Variants in KPNA5 observed in about 807,000 individuals in gnomAD.
The protein encoded by KPNA5 is karyopherin subunit alpha 5, also known as importin subunit alpha-6.
A neutral mutation model predicts 71.3 loss-of-function variants in KPNA5; 46 were observed. The ratio of observed to expected loss-of-function variants is 0.65; its 90% CI spans 0.51 to 0.83. The LOEUF is 0.83. Ranked by LOEUF, KPNA5 falls within the 40% of genes least tolerant of loss-of-function variation. The probability of loss-of-function intolerance (pLI) is 0.00; values close to 1 mark genes in which losing one functional copy is unlikely to be tolerated. For missense variants in KPNA5, 547 were observed against 628.3 expected (o/e 0.87, Z 1.38); for synonymous variants, 207 against 201.4 (o/e 1.03, Z -0.24).
At chr6:116,721,970 A>C (rs9489026) in intron 8 of KPNA5, among the ~76,000 whole-genome samples, 156 bp from the exon 9 acceptor site, 4,292 of 152,234 alleles carry the variant, frequency 0.028, 175 homozygotes, top group African/African-American at 0.085. Flanking sequence ...AATCAGCTTC[A>C]TATTCATACA....
chr6:116,718,297 C>T (rs1778973048), intron 8 of KPNA5, among the ~76,000 whole-genome samples: 1 of 145,418 alleles, frequency 6.9e-6, no homozygotes, highest in African/African-American at 2.6e-5. Context: ...GAGTCTCGCT[C>T]TGTCACCCAG....
intron 7 of KPNA5, among the ~76,000 whole-genome samples, chr6:116,710,891 ATATTTTTTTTTTTTTTT>A (rs1416832176): frequency 4.3e-5 from 3 of 70,116 alleles, no homozygotes; most frequent in African/African-American, 1.8e-4. Flanking sequence ...ATATATATAT[ATATTTTTTTTTTTTTTT>A]TTTTGAGTTG....
chr6:116,691,632 A>T (rs536063907), intron 2 of KPNA5, among the ~76,000 whole-genome samples: 1 of 152,324 alleles, frequency 6.6e-6, no homozygotes, highest in Non-Finnish European at 1.5e-5. Context: ...ATTCCTTGTT[A>T]ATCAGATATA....
At chr6:116,716,347 T>C (rs1263250752) in intron 8 of KPNA5, 29 bp downstream of exon 8, 7 of 1,448,946 alleles carry the variant, frequency 4.8e-6, no homozygotes, top group African/African-American at 1.4e-5. Context: ...AATTAAAATA[T>C]TTGTTTCCAT....
rs1420538732 is a variant in KPNA5 at position 116,732,248 on chromosome 6, A to G, written c.1545A>G (p.Val515=). The G allele has an allele frequency of 6.3e-7, 1 of 1,596,108 alleles. No individual in the cohort carries two copies. ...FGVEEDDPSI[V]PQVDENQQQF... ...TAGAAGAAGATGACCCCAGCATTGTACCTCAGGTGGATGAAAACCAACAAC... is the reference window on the plus strand; with the variant it reads ...TAGAAGAAGATGACCCCAGCATTGTGCCTCAGGTGGATGAAAACCAACAAC... The change falls in exon 14 of 14, where the codon GTA becomes GTG. Residue 515 remains valine, a synonymous_variant. Transcript: ENST00000368564.
chr6:116,711,093 C>G lies in KPNA5; in HGVS notation c.657-5126C>G, dbSNP rs374834073. ...CATTTTTGTAGAGACATGGTTTCAC[C>G]ATGTTGGCCAGGCTGGTCTTGAACT... On this transcript the variant is annotated intron_variant, in intron 7 of 13. Coordinates refer to ENST00000368564, the MANE Select transcript of KPNA5 (RefSeq NM_001366306.2). Among the ~76,000 whole-genome samples, 5 of 151,284 alleles carry G rather than the reference C, an allele frequency of 3.3e-5. No homozygotes were observed. The East Asian group carries it at 9.7e-4, about 29-fold the overall frequency.
chr6:116,729,955 AATTGT>A (rs1361781871), intron 13 of KPNA5, among the ~76,000 whole-genome samples: 3 of 151,334 alleles, frequency 2.0e-5, no homozygotes, highest in Admixed American at 1.3e-4. Context: ...ACATTGACTT[AATTGT>A]ATTGTATGTA....
At chr6:116,692,201 T>C (rs1030289102) in intron 3 of KPNA5, 45 bp downstream of exon 3, 4 of 1,442,948 alleles carry the variant, frequency 2.8e-6, no homozygotes, top group East Asian at 4.6e-5. Flanking sequence ...TCAATAATTT[T>C]AGCAATAGTA....
intron 7 of KPNA5, among the ~76,000 whole-genome samples, chr6:116,707,824 G>C (rs948598874): frequency 3.3e-5 from 5 of 152,286 alleles, no homozygotes; most frequent in African/African-American, 1.2e-4. Context: ...GCAGTAAGTA[G>C]ATTTACAACA....
At chr6:116,681,578 C>T (rs1051943840) in intron 1 of KPNA5, 15 of 1,237,036 alleles carry the variant, frequency 1.2e-5, no homozygotes, top group Non-Finnish European at 1.4e-5. Context: ...TTCAGCAGGT[C>T]CTCTGGAGTG....
At chr6:116,727,754 A>C (rs1482707003) in intron 12 of KPNA5, among the ~76,000 whole-genome samples, 1 of 152,052 alleles carries the variant, frequency 6.6e-6, no homozygotes, top group Admixed American at 6.6e-5. Flanking sequence ...AATCATCATA[A>C]TTTTTATTAT....
intron 7 of KPNA5, among the ~76,000 whole-genome samples, chr6:116,708,269 G>A (rs751721181): frequency 3.3e-5 from 5 of 152,144 alleles, no homozygotes; most frequent in African/African-American, 4.8e-5. Flanking sequence ...ATGTAAATAC[G>A]TAGGAGTGGA....
intron 12 of KPNA5, among the ~76,000 whole-genome samples, chr6:116,726,944 T>C (rs999254790): frequency 1.3e-5 from 2 of 152,100 alleles, no homozygotes; most frequent in Admixed American, 1.3e-4. Context: ...AGCTTTATTA[T>C]ATAGAAATGG....
At chr6:116,711,075 G>A (rs1583428240) in intron 7 of KPNA5, among the ~76,000 whole-genome samples, 1 of 150,538 alleles carries the variant, frequency 6.6e-6, no homozygotes. Flanking sequence ...TTGCATTTTT[G>A]TAGAGACATG....
intron 4 of KPNA5, among the ~76,000 whole-genome samples, chr6:116,695,009 A>G (rs1777968441): frequency 6.6e-6 from 1 of 151,916 alleles, no homozygotes; most frequent in African/African-American, 2.4e-5. Context: ...GGAGTGCAAT[A>G]GCAGAATCAC....
intron 4 of KPNA5, among the ~76,000 whole-genome samples, chr6:116,696,268 A>G (rs3798399): frequency 0.049 from 7,440 of 152,186 alleles, 192 homozygotes; most frequent in African/African-American, 0.069. Flanking sequence ...TCTTTCACTG[A>G]TTGATGTGAG....
chr6:116,691,734 C>T (rs1777807670), intron 2 of KPNA5, among the ~76,000 whole-genome samples: 1 of 152,118 alleles, frequency 6.6e-6, no homozygotes, highest in Non-Finnish European at 1.5e-5. Flanking sequence ...ACCTCATAAT[C>T]CAGTGTGTAA....
At chr6:116,685,159 A>G (rs193246667) in intron 1 of KPNA5, among the ~76,000 whole-genome samples, 38 of 152,320 alleles carry the variant, frequency 2.5e-4, no homozygotes, top group Non-Finnish European at 4.9e-4. Context: ...AAACTGATAA[A>G]CCGTGATCTG....
intron 7 of KPNA5, among the ~76,000 whole-genome samples, chr6:116,706,319 T>C (rs1229095591): frequency 6.6e-6 from 1 of 152,212 alleles, no homozygotes; most frequent in Non-Finnish European, 1.5e-5. Flanking sequence ...AGGAGTCTTT[T>C]AACCATGGCT....
Sources: allele counts gnomAD v4.1 joint callset (sites outside exome capture counted in the v4.1 genomes callset), GRCh38; gene constraint gnomAD v4.1.1; transcripts MANE v1.5; gene names NCBI Gene and HGNC (gene_info 2026-07-23, HGNC 2026-07-21).